KALRN: variants seen among roughly 807,000 people sequenced by gnomAD.
KALRN encodes kalirin.
In KALRN, 70 loss-of-function variants were observed where a neutral mutation model predicts 353.7. The ratio of observed to expected loss-of-function variants is 0.20; its 90% CI spans 0.16 to 0.24. KALRN has a LOEUF of 0.24. Ranked by LOEUF, KALRN falls within the 10% of genes least tolerant of loss-of-function variation. The pLI is 1.00. For missense variants in KALRN, 2,791 were observed against 3,756.7 expected (o/e 0.74, Z 6.72); for synonymous variants, 1,391 against 1,434.8 (o/e 0.97, Z 0.69).
intron 5 of KALRN, among the ~76,000 whole-genome samples, chr3:124,271,949 C>G (rs2074212984): frequency 6.6e-6 from 1 of 152,168 alleles, no homozygotes. Flanking sequence ...CCAAATACCA[C>G]AGGTTCCGAC....
intron 58 of KALRN, among the ~76,000 whole-genome samples, chr3:124,716,738 C>T (rs959564056): frequency 3.9e-5 from 6 of 152,008 alleles, no homozygotes; most frequent in East Asian, 1.9e-4. Context: ...TCCAGGAGTT[C>T]GAGGCTGCAG....
intron 1 of KALRN, among the ~76,000 whole-genome samples, chr3:124,201,875 C>A (rs1410829395): frequency 6.6e-6 from 1 of 152,226 alleles, no homozygotes; most frequent in Non-Finnish European, 1.5e-5. Context: ...ACATCTATGT[C>A]TCTAGCTAGG....
chr3:124,215,589 A>G (rs897889441), intron 1 of KALRN, among the ~76,000 whole-genome samples: 1 of 152,226 alleles, frequency 6.6e-6, no homozygotes, highest in Non-Finnish European at 1.5e-5. Context: ...CTTAATCATT[A>G]CAACAGCCTA....
chr3:124,089,571 T>A (rs1437171546), intron 1 of KALRN, among the ~76,000 whole-genome samples: 2 of 151,244 alleles, frequency 1.3e-5, no homozygotes, highest in African/African-American at 4.9e-5. Context: ...ACAGAGGAGG[T>A]AACAGTGAAC....
chr3:124,180,662 C>T (rs1027796555), intron 1 of KALRN, among the ~76,000 whole-genome samples: 8 of 152,152 alleles, frequency 5.3e-5, no homozygotes, highest in African/African-American at 1.4e-4. Context: ...ACTACAGCAA[C>T]ATGAGAAATC....
chr3:124,671,988 A>C (rs1394790022), intron 48 of KALRN, 90 bp downstream of exon 48: 1 of 1,015,828 alleles, frequency 9.8e-7, no homozygotes, highest in African/African-American at 1.6e-5. Context: ...TCGGTCTGTC[A>C]TCCAGGCTGG....
At chr3:124,666,662 G>A in intron 46 of KALRN, 28 bp downstream of exon 46, 1 of 1,598,010 alleles carries the variant, frequency 6.3e-7, no homozygotes, top group African/African-American at 1.3e-5. Context: ...GATGAGAAGA[G>A]GCAAGGAAGA....
chr3:124,682,280 G>C (rs369971776), intron 51 of KALRN, among the ~76,000 whole-genome samples: 1 of 152,178 alleles, frequency 6.6e-6, no homozygotes, highest in Non-Finnish European at 1.5e-5. Flanking sequence ...CCCAGACCCA[G>C]CCTGGCCCCC....
chr3:124,301,341 G>T (rs79633994), intron 6 of KALRN, among the ~76,000 whole-genome samples: 11 of 152,192 alleles, frequency 7.2e-5, no homozygotes, highest in Non-Finnish European at 1.2e-4. Flanking sequence ...CTGAAGGGAA[G>T]TATCTTCTGG....
In KALRN at chr3:124,704,738, C is replaced by T. The variant is rs759122334; in HGVS notation, c.8075+2622C>T. Among the ~76,000 whole-genome samples the T allele has an allele frequency of 5.9e-5, 9 of 151,970 alleles. No homozygotes were observed. In the South Asian group the frequency reaches 6.2e-4, roughly 11 times the overall value. Reference sequence around the variant, plus strand: ...AATTTTTGCATTTTTTTTGTAGATACGGTATTTCACCATGTTGCCCAGGGT... The same window carrying T: ...AATTTTTGCATTTTTTTTGTAGATATGGTATTTCACCATGTTGCCCAGGGT... On this transcript the variant is annotated intron_variant, in intron 57 of 59. Transcript: ENST00000682506.
intron 1 of KALRN, among the ~76,000 whole-genome samples, chr3:124,073,180 T>C (rs1472828856): frequency 1.3e-5 from 2 of 152,242 alleles, no homozygotes; most frequent in African/African-American, 4.8e-5. Flanking sequence ...CCTTGTGAGC[T>C]TGGTTAATAC....
chr3:124,383,221 C>A (rs747896114), intron 10 of KALRN, among the ~76,000 whole-genome samples: 1 of 152,224 alleles, frequency 6.6e-6, no homozygotes, highest in Non-Finnish European at 1.5e-5. Context: ...TTTGCCTGCC[C>A]ATCTTCCCCA....
At chr3:124,385,223 T>A (rs1041364293) in intron 11 of KALRN, among the ~76,000 whole-genome samples, 187 bp downstream of exon 11, 1 of 152,194 alleles carries the variant, frequency 6.6e-6, no homozygotes, top group Non-Finnish European at 1.5e-5. Context: ...GGGGCAAAAT[T>A]TCCTCCTATA....
At chr3:124,242,093 C>A (rs115698494) in intron 3 of KALRN, among the ~76,000 whole-genome samples, 1,696 of 152,218 alleles carry the variant, frequency 0.011, 28 homozygotes, top group African/African-American at 0.039. Context: ...CATTGAAGAG[C>A]TTTTCAGCAG....
At chr3:124,318,615 T>C (rs2079034116) in intron 6 of KALRN, among the ~76,000 whole-genome samples, 1 of 152,216 alleles carries the variant, frequency 6.6e-6, no homozygotes, top group South Asian at 2.1e-4. Flanking sequence ...GAGGCTGAGC[T>C]TTTTCCATTG....
chr3:124,247,640 T>G (rs1214692339), intron 3 of KALRN, among the ~76,000 whole-genome samples: 1 of 152,220 alleles, frequency 6.6e-6, no homozygotes, highest in African/African-American at 2.4e-5. Flanking sequence ...AACTTATCTC[T>G]TGGAGCTCCC....
At chr3:124,351,621 A>C (rs971640832) in intron 10 of KALRN, among the ~76,000 whole-genome samples, 1 of 152,200 alleles carries the variant, frequency 6.6e-6, no homozygotes, top group South Asian at 2.1e-4. Context: ...AAAGCCCCTG[A>C]ACAAATACAT....
chr3:124,374,835 C>T (rs1028264029), intron 10 of KALRN, among the ~76,000 whole-genome samples: 4 of 152,140 alleles, frequency 2.6e-5, no homozygotes, highest in African/African-American at 7.2e-5. Context: ...GGGTACATTT[C>T]CCCCCATACC....
chr3:124,092,770 G>A (rs2061196564), intron 1 of KALRN, among the ~76,000 whole-genome samples: 1 of 152,238 alleles, frequency 6.6e-6, no homozygotes, highest in African/African-American at 2.4e-5. Flanking sequence ...TTTCTCTTCT[G>A]TATACTGGAG....
Sources: gnomAD v4.1 joint callset for allele counts (sites outside exome capture counted in the v4.1 genomes callset) on GRCh38, gnomAD v4.1.1 for gene constraint, MANE v1.5 for transcripts, NCBI Gene and HGNC (gene_info 2026-07-23, HGNC 2026-07-21) for gene names.